The following SPAG9 variants were observed in gnomAD, a reference collection of about 807,000 sequenced individuals.
The protein encoded by SPAG9 is C-Jun-amino-terminal kinase-interacting protein 4.
A neutral mutation model predicts 166.5 loss-of-function variants in SPAG9; 35 were observed. That is an observed-to-expected ratio of 0.21 (90% CI 0.16 to 0.28). The LOEUF (loss-of-function observed/expected upper bound fraction) is 0.28. SPAG9 is among the 10% of genes least tolerant of loss of function. The pLI is 1.00. For missense variants in SPAG9, 1,235 were observed against 1,603.3 expected (o/e 0.77, Z 3.92); for synonymous variants, 534 against 565.5 (o/e 0.94, Z 0.79).
At chr17:50,975,023 C>T (rs1974113040) in intron 27 of SPAG9, 76 bp from the exon 28 acceptor site, 1 of 1,356,316 alleles carries the variant, frequency 7.4e-7, no homozygotes, top group Non-Finnish European at 1.0e-6. Flanking sequence ...CTGGTTAATC[C>T]TTATGATATT....
intron 1 of SPAG9, among the ~76,000 whole-genome samples, chr17:51,115,833 AAAAAGAAAAGAAAAG>A (rs372714782): frequency 1.3e-5 from 2 of 150,944 alleles, no homozygotes; most frequent in East Asian, 1.9e-4. Flanking sequence ...CATCTCAAAA[AAAAAGAAAAGAAAAG>A]AAAAGAAAAG....
At chr17:50,988,917 T>C (rs933991145) in intron 21 of SPAG9, among the ~76,000 whole-genome samples, 8 of 152,140 alleles carry the variant, frequency 5.3e-5, no homozygotes, top group Admixed American at 2.0e-4. Context: ...CACACCCATG[T>C]GGGAAACTTG....
chr17:51,120,054 C>G lies in SPAG9; in HGVS notation c.303+300G>C, dbSNP rs2049428395. ...CCTCAACAAGAAGCAACCAGACACC[C>G]AACAATCTCCGCCCTTGGCCAACCC... On this transcript the variant is annotated intron_variant, in intron 1 of 29. Coordinates refer to ENST00000262013, the MANE Select transcript of SPAG9 (RefSeq NM_001130528.3). The surrounding 1 kb of genome is among the most constrained non-coding windows in gnomAD (Gnocchi z 4.7). Among the ~76,000 whole-genome samples, 1 of 152,216 alleles carries G rather than the reference C, an allele frequency of 6.6e-6. No homozygotes were observed. The highest frequency in any genetic ancestry group is 1.5e-5 in the Non-Finnish European group (1 of 68,032).
intron 3 of SPAG9, among the ~76,000 whole-genome samples, chr17:51,048,724 T>G (rs919934430): frequency 6.6e-6 from 1 of 152,164 alleles, no homozygotes; most frequent in Admixed American, 6.6e-5. Flanking sequence ...ATGTTATTTA[T>G]CATCAAATAA....
At chr17:51,064,777 T>C (rs1181447345) in intron 2 of SPAG9, among the ~76,000 whole-genome samples, 6 of 152,154 alleles carry the variant, frequency 3.9e-5, no homozygotes, top group East Asian at 1.9e-4. Flanking sequence ...GTGGTGGCGA[T>C]TGTACAACCT....
chr17:51,089,661 T>TAC (rs1555658102), intron 1 of SPAG9, among the ~76,000 whole-genome samples: 18 of 97,896 alleles, frequency 1.8e-4, no homozygotes, highest in African/African-American at 4.5e-4. Flanking sequence ...TATATATATA[T>TAC]ATACACATAC....
At chr17:51,021,785 G>GTA (rs2045947077) in intron 6 of SPAG9, among the ~76,000 whole-genome samples, 2 of 151,930 alleles carry the variant, frequency 1.3e-5, no homozygotes, top group African/African-American at 4.8e-5. Flanking sequence ...GGGTATCTTT[G>GTA]TAAAGTGTGG....
At chr17:51,107,449 G>A (rs568873157) in intron 1 of SPAG9, among the ~76,000 whole-genome samples, 2 of 151,274 alleles carry the variant, frequency 1.3e-5, no homozygotes, top group East Asian at 2.0e-4. Flanking sequence ...ACTTTAAAGG[G>A]CAATAATAGT....
chr17:51,092,652 G>A (rs1439342378), intron 1 of SPAG9, among the ~76,000 whole-genome samples: 1 of 150,908 alleles, frequency 6.6e-6, no homozygotes, highest in East Asian at 1.9e-4. Context: ...AGTGGCTCAC[G>A]CCTGTAATCT....
At chr17:50,994,270 A>C (rs529693450) in intron 18 of SPAG9, among the ~76,000 whole-genome samples, 1 of 151,808 alleles carries the variant, frequency 6.6e-6, no homozygotes, top group Non-Finnish European at 1.5e-5. Context: ...CTTCTTCCTC[A>C]TTTTCTCTTG....
intron 2 of SPAG9, among the ~76,000 whole-genome samples, chr17:51,073,836 C>T (rs1378995614): frequency 2.0e-5 from 3 of 152,220 alleles, no homozygotes; most frequent in Non-Finnish European, 4.4e-5. Flanking sequence ...GGCACGGTGG[C>T]TCACGCCTGT....
At chr17:51,082,466 T>C (rs181619201) in intron 1 of SPAG9, among the ~76,000 whole-genome samples, 350 of 148,754 alleles carry the variant, frequency 2.4e-3, no homozygotes, top group African/African-American at 7.8e-3. Flanking sequence ...CTTAACCTCA[T>C]CCAACATGCT....
intron 27 of SPAG9, chr17:50,976,617 G>C (rs984428383): frequency 1.3e-5 from 2 of 153,168 alleles, no homozygotes; most frequent in African/African-American, 4.8e-5. Context: ...AACACACGAG[G>C]TATATTTTAT....
At chr17:51,105,534 A>T (rs924317670) in intron 1 of SPAG9, among the ~76,000 whole-genome samples, 3 of 152,220 alleles carry the variant, frequency 2.0e-5, no homozygotes, top group Non-Finnish European at 4.4e-5. Flanking sequence ...AGAGCAGCTT[A>T]ACCTTTTCTT....
At chr17:51,084,647 G>A (rs1018032647) in intron 1 of SPAG9, among the ~76,000 whole-genome samples, 8 of 152,084 alleles carry the variant, frequency 5.3e-5, no homozygotes, top group South Asian at 2.1e-4. Context: ...GACCTCAAGC[G>A]ATCTGCCTGT....
intron 11 of SPAG9, 57 bp downstream of exon 11, chr17:51,006,028 C>A: frequency 1.3e-6 from 2 of 1,583,458 alleles, no homozygotes; most frequent in Non-Finnish European, 1.7e-6. Context: ...ACATCTGTAA[C>A]CCTTTGTGGC....
intron 2 of SPAG9, among the ~76,000 whole-genome samples, chr17:51,070,258 C>T (rs143360993): frequency 1.9e-3 from 290 of 152,208 alleles, no homozygotes; most frequent in Middle Eastern, 6.8e-3. Context: ...ACAGAAGCTT[C>T]CTAAGAGAGA....
At chr17:51,004,882 C>G (rs532443373) in intron 12 of SPAG9, among the ~76,000 whole-genome samples, 39 of 152,222 alleles carry the variant, frequency 2.6e-4, no homozygotes, top group Non-Finnish European at 5.0e-4. Flanking sequence ...TATTATTAAG[C>G]TTTCATATTT....
At chr17:50,982,471 T>C in intron 25 of SPAG9, 53 bp downstream of exon 25, 1 of 1,515,146 alleles carries the variant, frequency 6.6e-7, no homozygotes, top group Non-Finnish European at 9.0e-7. Flanking sequence ...AGTCTAATAG[T>C]CTTCGGATAA....
Sources: gnomAD v4.1 joint callset for allele counts (sites outside exome capture counted in the v4.1 genomes callset) on GRCh38, gnomAD v4.1.1 for gene constraint, Gnocchi (gnomAD v3.1) non-coding constraint, MANE v1.5 for transcripts, NCBI Gene and HGNC (gene_info 2026-07-23, HGNC 2026-07-21) for gene names.